The following KIF6 variants were observed in gnomAD, a reference collection of about 807,000 sequenced individuals.
KIF6 encodes the protein kinesin-like protein KIF6.
Under a neutral mutation model 112.7 loss-of-function variants are expected in KIF6, and 106 were observed. The observed-to-expected ratio is 0.94, with a 90% CI of 0.80 to 1.11. KIF6 has a LOEUF of 1.11. Ranked by LOEUF, KIF6 falls within the 50% of genes least tolerant of loss-of-function variation. The probability of loss-of-function intolerance (pLI) is 0.00; values close to 1 mark genes in which losing one functional copy is unlikely to be tolerated. For synonymous variants in KIF6, 339 were observed against 339.9 expected (o/e 1.00, Z 0.03); for missense variants, 929 against 964.0 (o/e 0.96, Z 0.48).
At chr6:39,617,629 G>C (rs1783591029) in intron 5 of KIF6, 1 of 442,146 alleles carries the variant, frequency 2.3e-6, no homozygotes, top group Admixed American at 2.4e-5. Context: ...ACAAATGTCT[G>C]TCATAAGGCA....
chr6:39,648,033 T>G (rs898910309), intron 3 of KIF6, among the ~76,000 whole-genome samples: 1 of 147,046 alleles, frequency 6.8e-6, no homozygotes, highest in Non-Finnish European at 1.5e-5. Flanking sequence ...CTTTCTTTTT[T>G]TTTTTTTTGA....
intron 18 of KIF6, among the ~76,000 whole-genome samples, chr6:39,358,385 C>T (rs577736148): frequency 6.6e-6 from 1 of 152,372 alleles, no homozygotes; most frequent in African/African-American, 2.4e-5. Flanking sequence ...GAATTGGCCC[C>T]TCTGTACCAG....
intron 3 of KIF6, among the ~76,000 whole-genome samples, chr6:39,694,212 A>G (rs1396998944): frequency 1.3e-5 from 2 of 152,104 alleles, no homozygotes; most frequent in African/African-American, 4.8e-5. Flanking sequence ...AGCCAACATC[A>G]TACTGAATGG....
Position 39,631,955 on chromosome 6 carries a change from T to A in KIF6, c.509+2894A>T, listed in dbSNP as rs141968232. 7.6e-3 allele frequency among the ~76,000 whole-genome samples: 1,164 copies of A among 152,270 alleles called. 18 individuals are homozygous for A. The highest frequency in any genetic ancestry group is 0.027 in the African/African-American group (1,108 of 41,562). On this transcript the variant is annotated intron_variant, in intron 5 of 22. Transcript: ENST00000287152. ...TCAACTTCTATAATAGTTATTGAAG[T>A]ATTCAATTATGTATTTCATCTTGGT...
intron 15 of KIF6, among the ~76,000 whole-genome samples, chr6:39,386,452 T>G (rs1562161245): frequency 6.6e-6 from 1 of 152,206 alleles, no homozygotes; most frequent in Non-Finnish European, 1.5e-5. Flanking sequence ...TTTGAATATC[T>G]GAACATTGTC....
chr6:39,616,734 T>TGCCCA (rs1348302921), intron 5 of KIF6, among the ~76,000 whole-genome samples: 1 of 152,214 alleles, frequency 6.6e-6, no homozygotes, highest in Non-Finnish European at 1.5e-5. Context: ...CCTATGTTCA[T>TGCCCA]GCCTTTGCTC....
chr6:39,683,903 G>A (rs1483074037), intron 3 of KIF6, among the ~76,000 whole-genome samples: 1 of 151,620 alleles, frequency 6.6e-6, no homozygotes, highest in Non-Finnish European at 1.5e-5. Flanking sequence ...AAGGAGGCAG[G>A]GATAGTAAGG....
intron 16 of KIF6, among the ~76,000 whole-genome samples, 176 bp downstream of exon 16, chr6:39,385,446 A>C (rs766368163): frequency 6.6e-5 from 10 of 152,118 alleles, no homozygotes; most frequent in Non-Finnish European, 8.8e-5. Context: ...AGGCTGGGGA[A>C]ACAGATCCTG....
At chr6:39,502,048 G>A (rs1776161833) in intron 13 of KIF6, among the ~76,000 whole-genome samples, 2 of 151,794 alleles carry the variant, frequency 1.3e-5, no homozygotes, top group Non-Finnish European at 2.9e-5. Flanking sequence ...CTCCAAGGTT[G>A]AAATGAAAAA....
At chr6:39,388,231 C>A (rs919505728) in intron 15 of KIF6, among the ~76,000 whole-genome samples, 6 of 152,122 alleles carry the variant, frequency 3.9e-5, no homozygotes, top group Admixed American at 3.9e-4. Flanking sequence ...GTTACAATTT[C>A]TTCAGCGCCT....
At chr6:39,509,114 A>C (rs1360206683) in intron 13 of KIF6, among the ~76,000 whole-genome samples, 2 of 152,064 alleles carry the variant, frequency 1.3e-5, no homozygotes, top group Non-Finnish European at 2.9e-5. Flanking sequence ...CCTCCAGCAA[A>C]CTCCAACAGA....
At chr6:39,396,169 A>G (rs1173344277) in intron 15 of KIF6, among the ~76,000 whole-genome samples, 1 of 152,148 alleles carries the variant, frequency 6.6e-6, no homozygotes, top group Non-Finnish European at 1.5e-5. Flanking sequence ...GATTAGGAGG[A>G]ATGTGTTAGT....
At chr6:39,394,016 T>TTG (rs373505473) in intron 15 of KIF6, among the ~76,000 whole-genome samples, 2 of 151,846 alleles carry the variant, frequency 1.3e-5, no homozygotes, top group African/African-American at 2.4e-5. Flanking sequence ...AACTGTGTGT[T>TTG]TGTGTGTGTG....
intron 13 of KIF6, among the ~76,000 whole-genome samples, chr6:39,510,356 T>C (rs1776699677): frequency 6.6e-6 from 1 of 152,176 alleles, no homozygotes; most frequent in Non-Finnish European, 1.5e-5. Context: ...CCTCCCAAAG[T>C]GCTGGGATTA....
chr6:39,395,323 A>G (rs1247057276), intron 15 of KIF6, among the ~76,000 whole-genome samples: 2 of 152,244 alleles, frequency 1.3e-5, no homozygotes, highest in Non-Finnish European at 2.9e-5. Flanking sequence ...TTAAGTAAGC[A>G]CATTTGTTAA....
intron 14 of KIF6, among the ~76,000 whole-genome samples, chr6:39,426,914 T>C (rs72850655): frequency 0.092 from 13,944 of 152,200 alleles, 931 homozygotes; most frequent in East Asian, 0.29. Flanking sequence ...CTACTTGCTA[T>C]GGGGTAGAGA....
chr6:39,603,761 A>G (rs1009979487), intron 6 of KIF6, among the ~76,000 whole-genome samples: 1 of 152,132 alleles, frequency 6.6e-6, no homozygotes, highest in African/African-American at 2.4e-5. Context: ...ATGATTATAG[A>G]CAGTTAATGC....
intron 3 of KIF6, among the ~76,000 whole-genome samples, chr6:39,675,259 T>C (rs1361614832): frequency 1.3e-5 from 2 of 152,110 alleles, no homozygotes; most frequent in Non-Finnish European, 2.9e-5. Context: ...TAATTTGAAT[T>C]GAAGATGGCT....
In KIF6 at chr6:39,343,661, G is replaced by A. The variant is rs759713803; in HGVS notation, c.2428+48C>T. The A allele has an allele frequency of 1.4e-5, 20 of 1,427,392 alleles. No homozygotes were observed. Among genetic ancestry groups the A allele is most frequent in the Middle Eastern group, 3.6e-4 (2 of 5,566 alleles). 88.4% of individuals were successfully genotyped at this position (1,427,392 alleles called of 1,614,324 possible). A position where few individuals can be genotyped will look rare whatever the true frequency, so the allele number is the denominator to read the frequency against. ...ACCTCACTGTGTGCTCCCCACAAGT[G>A]TTGGTGACCTGCTGCCCAGGAGGAG... On this transcript the variant is annotated intron_variant, in intron 22 of 22. Transcript: ENST00000287152. The surrounding 1 kb of genome is among the most constrained non-coding windows in gnomAD (Gnocchi z 4.1).
Sources: allele counts gnomAD v4.1 joint callset (sites outside exome capture counted in the v4.1 genomes callset), GRCh38; gene constraint gnomAD v4.1.1; non-coding constraint Gnocchi (gnomAD v3.1); transcripts MANE v1.5; gene names NCBI Gene and HGNC (gene_info 2026-07-23, HGNC 2026-07-21).